Variants in SPIRE1 observed in about 807,000 individuals in gnomAD.
SPIRE1 encodes spire type actin nucleation factor 1, also known as protein spire homolog 1.
Under a neutral mutation model 94.1 loss-of-function variants are expected in SPIRE1, and 40 were observed. The ratio of observed to expected loss-of-function variants is 0.43; its 90% CI spans 0.33 to 0.55. SPIRE1 has a LOEUF of 0.55. Ranked by LOEUF, SPIRE1 falls within the 20% of genes least tolerant of loss-of-function variation. The pLI is 0.06. For missense variants in SPIRE1, 838 were observed against 975.2 expected, an observed-to-expected ratio of 0.86 and a Z score of 1.87; for synonymous variants, 376 against 371.7, an observed-to-expected ratio of 1.01 and a Z score of -0.13.
chr18:12,556,406 T>C (rs2035504753), intron 2 of SPIRE1, among the ~76,000 whole-genome samples: 1 of 152,208 alleles, frequency 6.6e-6, no homozygotes, highest in Non-Finnish European at 1.5e-5. Flanking sequence ...CTTTAAATAA[T>C]ACTACAAATA....
At chr18:12,528,707 C>T (rs750813159) in intron 4 of SPIRE1, among the ~76,000 whole-genome samples, 5 of 152,146 alleles carry the variant, frequency 3.3e-5, no homozygotes, top group African/African-American at 4.8e-5. Context: ...GAGGGTTTGT[C>T]ATGGTCCAGG....
At chr18:12,543,221 T>C (rs2035059126) in intron 3 of SPIRE1, among the ~76,000 whole-genome samples, 1 of 152,236 alleles carries the variant, frequency 6.6e-6, no homozygotes, top group African/African-American at 2.4e-5. Context: ...TCTTTGGTAT[T>C]GCCTTTAGTC....
chr18:12,510,436 T>C (rs958688422), intron 5 of SPIRE1, among the ~76,000 whole-genome samples: 1 of 152,084 alleles, frequency 6.6e-6, no homozygotes, highest in Non-Finnish European at 1.5e-5. Context: ...CCTAATATGG[T>C]CAAAAGCAAC....
intron 2 of SPIRE1, among the ~76,000 whole-genome samples, chr18:12,601,385 T>C (rs2036830282): frequency 6.6e-6 from 1 of 152,106 alleles, no homozygotes; most frequent in South Asian, 2.1e-4. Context: ...ATCACACCAC[T>C]GCACTCCAGC....
At chr18:12,469,581 T>C (rs1319660314) in intron 10 of SPIRE1, among the ~76,000 whole-genome samples, 4 of 145,456 alleles carry the variant, frequency 2.7e-5, no homozygotes, top group Admixed American at 1.4e-4. Context: ...ATATATTATA[T>C]ATAGTATATA....
chr18:12,622,353 C>G (rs1456893795), intron 2 of SPIRE1, among the ~76,000 whole-genome samples: 1 of 150,262 alleles, frequency 6.7e-6, no homozygotes, highest in Admixed American at 6.6e-5. Context: ...AGAATGATCA[C>G]AGGAATAGAA....
At chr18:12,531,895 C>T (rs533568654) in intron 4 of SPIRE1, among the ~76,000 whole-genome samples, 2 of 152,308 alleles carry the variant, frequency 1.3e-5, no homozygotes, top group South Asian at 4.1e-4. Context: ...TCACCAGCTA[C>T]CCCTGCAGTA....
intron 6 of SPIRE1, among the ~76,000 whole-genome samples, chr18:12,500,288 A>G (rs1455323721): frequency 6.6e-6 from 1 of 152,206 alleles, no homozygotes; most frequent in East Asian, 1.9e-4. Flanking sequence ...TTAAAATGTA[A>G]AAAAATGAAT....
In SPIRE1 at chr18:12,463,433, T is replaced by C. The variant is rs775092182; in HGVS notation, c.1556A>G (p.Gln519Arg). 3 of 1,614,058 alleles carry C rather than the reference T, an allele frequency of 1.9e-6. No individual in the cohort carries two copies. The highest frequency in any genetic ancestry group is 2.5e-6 in the Non-Finnish European group (3 of 1,179,978). Residue 519 changes from glutamine to arginine, a missense_variant, in exon 12 of 17, where the codon CAG (glutamine) becomes CGG (arginine). Gln to Arg is a conservative substitution (Grantham distance 43). Transcript: ENST00000409402. Reference protein sequence around the residue: ...TPQPERRQPPQRRHSIEKETP... With the variant: ...TPQPERRQPPRRRHSIEKETP... Reference sequence around the variant, plus strand: ...TTCCTTTTCAATGGAATGTCGTCTCTGGGGTGGCTGCCGTCTCTCTGGCTG... The same window carrying C: ...TTCCTTTTCAATGGAATGTCGTCTCCGGGGTGGCTGCCGTCTCTCTGGCTG...
At chr18:12,634,897 T>A (rs2037880260) in intron 2 of SPIRE1, among the ~76,000 whole-genome samples, 165 bp downstream of exon 2, 1 of 151,140 alleles carries the variant, frequency 6.6e-6, no homozygotes. Flanking sequence ...ATCGTGCCAT[T>A]GTACTCCAGC....
chr18:12,639,065 C>T (rs2038013809), intron 1 of SPIRE1, among the ~76,000 whole-genome samples: 2 of 152,262 alleles, frequency 1.3e-5, no homozygotes, highest in African/African-American at 2.4e-5. Context: ...TGCAGGGGTA[C>T]TGTCCAGGCT....
At chr18:12,585,732 T>C (rs139513241) in intron 2 of SPIRE1, among the ~76,000 whole-genome samples, 10 of 152,298 alleles carry the variant, frequency 6.6e-5, no homozygotes, top group African/African-American at 2.4e-4. Context: ...AAAAAAGGTA[T>C]GTTGCAAAAT....
chr18:12,524,220 T>C (rs2034439541), intron 4 of SPIRE1, among the ~76,000 whole-genome samples: 2 of 152,208 alleles, frequency 1.3e-5, no homozygotes, highest in African/African-American at 4.8e-5. Context: ...TTATATCCAA[T>C]TCATTGTTTT....
At chr18:12,470,184 G>A (rs994108525) in intron 10 of SPIRE1, among the ~76,000 whole-genome samples, 2 of 152,070 alleles carry the variant, frequency 1.3e-5, no homozygotes, top group African/African-American at 4.8e-5. Flanking sequence ...TTAGCCTCAA[G>A]TGATCCTCCC....
intron 12 of SPIRE1, among the ~76,000 whole-genome samples, chr18:12,457,294 TAAAAG>T (rs1421149529): frequency 1.3e-5 from 2 of 152,230 alleles, no homozygotes; most frequent in Non-Finnish European, 2.9e-5. Flanking sequence ...TAATGCAACA[TAAAAG>T]AAAATGATAA....
Position 12,493,163 on chromosome 18 carries a change from T to A in SPIRE1, c.1098A>T (p.Pro366=). The change falls in exon 8 of 17, where the codon CCA becomes CCT. Residue 366 remains proline (P), a synonymous_variant. Coordinates refer to ENST00000409402, the MANE Select transcript of SPIRE1 (RefSeq NM_001128626.2). ...CTAATATTCTTTCATGGAGGCTCCGTGGCCGTGGTGGAGTTGGTTTCAGTT... is the reference window on the plus strand; with the variant it reads ...CTAATATTCTTTCATGGAGGCTCCGAGGCCGTGGTGGAGTTGGTTTCAGTT... ...ARKLKPTPPR[P]RSLHERILEE... 6.2e-7 allele frequency: 1 copy of A among 1,613,524 alleles called. No homozygotes were observed. The highest frequency in any genetic ancestry group is 1.3e-5 in the African/African-American group (1 of 75,004).
At chr18:12,631,565 A>C (rs1198630773) in intron 2 of SPIRE1, among the ~76,000 whole-genome samples, 3 of 150,136 alleles carry the variant, frequency 2.0e-5, no homozygotes, top group South Asian at 2.1e-4. Context: ...AAAAAAAAAA[A>C]AAAAAAAAAA....
At chr18:12,607,607 A>G (rs2037018403) in intron 2 of SPIRE1, among the ~76,000 whole-genome samples, 1 of 101,988 alleles carries the variant, frequency 9.8e-6, no homozygotes, top group Non-Finnish European at 2.1e-5. Flanking sequence ...ACACACACAC[A>G]CACACACACA....
chr18:12,489,828 T>A (rs2033168229), intron 8 of SPIRE1, among the ~76,000 whole-genome samples: 1 of 152,226 alleles, frequency 6.6e-6, no homozygotes, highest in Admixed American at 6.5e-5. Flanking sequence ...AATGCACAAG[T>A]AAATTCACAG....
Sources: gnomAD v4.1 joint callset for allele counts (sites outside exome capture counted in the v4.1 genomes callset) on GRCh38, gnomAD v4.1.1 for gene constraint, MANE v1.5 for transcripts, NCBI Gene and HGNC (gene_info 2026-07-23, HGNC 2026-07-21) for gene names.